Variants in ANKRD45 observed in about 807,000 individuals in gnomAD.
The protein encoded by ANKRD45 is ankyrin repeat domain 45.
Under a neutral mutation model 28.1 loss-of-function variants are expected in ANKRD45, and 21 were observed. The ratio of observed to expected loss-of-function variants is 0.75; its 90% CI spans 0.53 to 1.08. The LOEUF is 1.08. Among genes scored for constraint, ANKRD45 ranks in the 50% least tolerant of loss-of-function variants. The probability of loss-of-function intolerance (pLI) is 0.00; values close to 1 mark genes in which losing one functional copy is unlikely to be tolerated. For missense variants in ANKRD45, 261 were observed against 308.7 expected (o/e 0.85, Z 1.16); for synonymous variants, 86 against 103.9 (o/e 0.83, Z 1.05).
At chr1:173,614,811 GTT>G (rs1228485736) in intron 5 of ANKRD45, among the ~76,000 whole-genome samples, 1 of 151,594 alleles carries the variant, frequency 6.6e-6, no homozygotes, top group Non-Finnish European at 1.5e-5. Flanking sequence ...GGATTTTGTT[GTT>G]TTATTTTATT....
Position 173,617,357 on chromosome 1 carries a change from C to T in ANKRD45, c.731-7142G>A, listed in dbSNP as rs144777500. Among the ~76,000 whole-genome samples the T allele has an allele frequency of 4.7e-3, 721 of 152,344 alleles. 3 individuals are homozygous for T. The highest frequency in any genetic ancestry group is 7.8e-3 in the Non-Finnish European group (528 of 68,026). ...GCCAGACAGCGCAACAGGCTGGAGACTGCCTGAGATGGATGAGTTCCCAGA... is the reference window on the plus strand; with the variant it reads ...GCCAGACAGCGCAACAGGCTGGAGATTGCCTGAGATGGATGAGTTCCCAGA... On this transcript the variant is annotated intron_variant, in intron 5 of 5. Coordinates refer to ENST00000333279, the MANE Select transcript of ANKRD45 (RefSeq NM_198493.3).
At chr1:173,623,023 C>CAA (rs34623814) in intron 5 of ANKRD45, among the ~76,000 whole-genome samples, 11 of 146,900 alleles carry the variant, frequency 7.5e-5, no homozygotes, top group African/African-American at 1.0e-4. Context: ...AGAAGACATT[C>CAA]AAAAAAAAAA....
intron 2 of ANKRD45, among the ~76,000 whole-genome samples, chr1:173,656,831 C>T (rs112473413): frequency 7.2e-5 from 11 of 151,896 alleles, no homozygotes; most frequent in South Asian, 2.1e-4. Flanking sequence ...TGGGTAAGTT[C>T]GCTTTGGGTT....
At chr1:173,636,088 CA>C (rs1444775304) in intron 3 of ANKRD45, among the ~76,000 whole-genome samples, 1 of 151,858 alleles carries the variant, frequency 6.6e-6, no homozygotes, top group Admixed American at 6.6e-5. Flanking sequence ...CAAAACACAC[CA>C]AAAAAAGTAG....
the ANKRD45 span, among the ~76,000 whole-genome samples, chr1:173,684,473 C>T: frequency 6.6e-6 from 1 of 152,108 alleles, no homozygotes; most frequent in Non-Finnish European, 1.5e-5. Context: ...TGCACCAACC[C>T]ACAGATGCAT....
intron 5 of ANKRD45, among the ~76,000 whole-genome samples, chr1:173,614,619 T>C (rs1667378187): frequency 6.6e-6 from 1 of 152,148 alleles, no homozygotes; most frequent in Admixed American, 6.5e-5. Flanking sequence ...CTCCTGGTAC[T>C]TTTGCAGTCA....
chr1:173,694,318 G>A, the ANKRD45 span, among the ~76,000 whole-genome samples: 1 of 151,626 alleles, frequency 6.6e-6, no homozygotes, highest in Non-Finnish European at 1.5e-5. Flanking sequence ...TGCATGCCAC[G>A]GACACCAAGC....
At chr1:173,649,047 T>C (rs1470932785) in intron 2 of ANKRD45, among the ~76,000 whole-genome samples, 1 of 152,210 alleles carries the variant, frequency 6.6e-6, no homozygotes, top group Non-Finnish European at 1.5e-5. Flanking sequence ...TTAAGTGTTA[T>C]CCATTTTAAT....
chr1:173,709,972 C>T, the ANKRD45 span, among the ~76,000 whole-genome samples: 6 of 152,164 alleles, frequency 3.9e-5, no homozygotes, highest in Non-Finnish European at 8.8e-5. Context: ...TTACCGCAAT[C>T]GTAATTAAAC....
intron 2 of ANKRD45, among the ~76,000 whole-genome samples, chr1:173,648,487 T>C (rs1312855008): frequency 2.6e-5 from 4 of 152,218 alleles, no homozygotes; most frequent in Non-Finnish European, 4.4e-5. Flanking sequence ...GTCTTTGTCA[T>C]ATGGACAGGC....
the ANKRD45 span, among the ~76,000 whole-genome samples, chr1:173,709,330 C>T: frequency 3.9e-5 from 6 of 152,170 alleles, no homozygotes; most frequent in Non-Finnish European, 7.3e-5. Context: ...AGTTCCTTGC[C>T]ATACAAGGCT....
At chr1:173,695,580 T>C in the ANKRD45 span, among the ~76,000 whole-genome samples, 3,813 of 152,324 alleles carry the variant, frequency 0.025, 61 homozygotes, top group Non-Finnish European at 0.036. Flanking sequence ...ATATGTACTA[T>C]ATTTTCTTCA....
At position 173,612,299 on chromosome 1, in the gene ANKRD45, GGAAA is replaced by G. The variant is rs746254884; in HGVS notation, c.731-2088_731-2085del. On this transcript the variant is annotated intron_variant, in intron 5 of 5. Transcript: ENST00000333279. ...AGGGAGGAAGGAAAGAAGGAAAGAA[GGAAA>G]GAAGGAAGGAAGGAAAGAAGGAAGG... Among the ~76,000 whole-genome samples, 11 of 115,770 alleles carry G rather than the reference GGAAA, an allele frequency of 9.5e-5. No individual in the cohort carries two copies. The East Asian group carries it at 1.4e-3, about 14-fold the overall frequency. The allele number at this position is 115,770 out of a possible 152,430, so 75.9% of individuals were successfully genotyped here. A position where few individuals can be genotyped will look rare whatever the true frequency, so the allele number is the denominator to read the frequency against.
intron 2 of ANKRD45, among the ~76,000 whole-genome samples, chr1:173,655,887 T>C (rs12079161): frequency 0.17 from 25,862 of 152,226 alleles, 7,319 homozygotes; most frequent in African/African-American, 0.59. Context: ...AGCAAGGTTC[T>C]GTGGGCATGG....
chr1:173,613,361 C>A lies in ANKRD45; in HGVS notation c.731-3146G>T, dbSNP rs570830036. Among the ~76,000 whole-genome samples the A allele has an allele frequency of 1.3e-4, 20 of 152,026 alleles. No individual in the cohort carries two copies. In the South Asian group the frequency reaches 1.5e-3, roughly 11 times the overall value. ...GAGGAGCCCCTCCGCCCAGCAGCCG[C>A]CCCGTCTGAGAAGTGAGGAGCCCCT... On this transcript the variant is annotated intron_variant, in intron 5 of 5. Transcript: ENST00000333279.
the ANKRD45 span, among the ~76,000 whole-genome samples, chr1:173,687,310 A>G: frequency 6.6e-6 from 1 of 152,022 alleles, no homozygotes; most frequent in African/African-American, 2.4e-5. Flanking sequence ...CCCTTTTATA[A>G]TTTTTTTTCC....
At chr1:173,613,562 G>GCGCCC (rs1411989020) in intron 5 of ANKRD45, among the ~76,000 whole-genome samples, 1 of 105,798 alleles carries the variant, frequency 9.5e-6, no homozygotes, top group African/African-American at 8.5e-5. Flanking sequence ...TGGGGGGTCA[G>GCGCCC]CCCCCCCCCC....
intron 5 of ANKRD45, among the ~76,000 whole-genome samples, chr1:173,623,999 G>A (rs1175532672): frequency 6.6e-6 from 1 of 151,588 alleles, no homozygotes; most frequent in Admixed American, 6.6e-5. Flanking sequence ...TGGATGCTGG[G>A]CTTAATACCA....
the ANKRD45 span, chr1:173,714,822 T>G: frequency 1.3e-5 from 2 of 152,214 alleles, no homozygotes; most frequent in African/African-American, 4.8e-5. Context: ...CCTCTGAGGT[T>G]ACCTGAATGC....
Sources: allele counts gnomAD v4.1 joint callset (sites outside exome capture counted in the v4.1 genomes callset), GRCh38; gene constraint gnomAD v4.1.1; transcripts MANE v1.5; gene names NCBI Gene and HGNC (gene_info 2026-07-23, HGNC 2026-07-21).